HDGFL3: variants seen among roughly 807,000 people sequenced by gnomAD.
HDGFL3 encodes hepatoma-derived growth factor-related protein 3.
HDGFL3 carries 6 observed loss-of-function variants against 27.6 expected under a neutral mutation model. That is an observed-to-expected ratio of 0.22 (90% confidence interval 0.12 to 0.43). The LOEUF (loss-of-function observed/expected upper bound fraction) is 0.43, where lower values mean the gene tolerates loss of function less well. Among genes scored for constraint, HDGFL3 ranks in the 20% least tolerant of loss-of-function variants. The pLI is 1.00. For missense variants in HDGFL3, 207 were observed against 250.1 expected, an observed-to-expected ratio of 0.83 and a Z score of 1.16; for synonymous variants, 88 against 88.9, an observed-to-expected ratio of 0.99 and a Z score of 0.05.
At chr15:83,200,856 CTT>C (rs200038603) in intron 1 of HDGFL3, among the ~76,000 whole-genome samples, 3,647 of 120,112 alleles carry the variant, frequency 0.03, 115 homozygotes, top group East Asian at 0.14. Flanking sequence ...TTACTTTATT[CTT>C]TTTTTTTTTT....
downstream of HDGFL3, among the ~76,000 whole-genome samples, chr15:83,126,249 A>G (rs781564084): frequency 7.2e-4 from 110 of 152,172 alleles, 5 homozygotes; most frequent in Non-Finnish European, 2.9e-4. Flanking sequence ...GGGACCTAGT[A>G]AAGTGCCAAA....
intron 4 of HDGFL3, among the ~76,000 whole-genome samples, chr15:83,152,003 T>C (rs994847886): frequency 2.0e-5 from 3 of 152,200 alleles, no homozygotes; most frequent in Admixed American, 2.0e-4. Flanking sequence ...AAGATGAAAA[T>C]ACAATTAGTT....
rs1181236798 is a variant in HDGFL3 at position 83,130,033 on chromosome 15, A to G, written c.*9237T>C. ...GTGTCAATTGTGCTTTGCCTGCACA[A>G]TCAGGCCTCCTCTGCCTGCCATGTG... is the stretch of plus-strand genomic sequence containing the variant. On this transcript the variant is annotated 3_prime_UTR_variant, in exon 6 of 6. Transcript: ENST00000299633. 6.6e-6 allele frequency: 1 copy of G among 152,260 alleles called. No individual in the cohort carries two copies. Among genetic ancestry groups the G allele is most frequent in the African/African-American group, 2.4e-5 (1 of 41,442 alleles). 9.4% of individuals were successfully genotyped at this position (152,260 alleles called of 1,614,324 possible). A position where few individuals can be genotyped will look rare whatever the true frequency, so the allele number is the denominator to read the frequency against.
At chr15:83,143,075 G>T (rs1409577683) in intron 5 of HDGFL3, among the ~76,000 whole-genome samples, 1 of 152,032 alleles carries the variant, frequency 6.6e-6, no homozygotes, top group African/African-American at 2.4e-5. Context: ...GAGTACAGTG[G>T]CACAATCTCA....
chr15:83,205,147 C>T (rs1235600000), intron 1 of HDGFL3, among the ~76,000 whole-genome samples: 1 of 152,012 alleles, frequency 6.6e-6, no homozygotes, highest in African/African-American at 2.4e-5. Context: ...CATTTTATAA[C>T]ATTATCATCT....
intron 1 of HDGFL3, among the ~76,000 whole-genome samples, chr15:83,188,650 T>G (rs544341496): frequency 6.6e-6 from 1 of 152,226 alleles, no homozygotes; most frequent in Non-Finnish European, 1.5e-5. Context: ...CAGGATGCCA[T>G]AGTCTCGTAA....
chr15:83,207,293 G>C lies in HDGFL3; in HGVS notation c.84+38C>G. On this transcript the variant is annotated intron_variant, in intron 1 of 5. Coordinates refer to ENST00000299633, the MANE Select transcript of HDGFL3 (RefSeq NM_016073.4). This position sits in a 1 kb window ranked among gnomAD's most constrained non-coding sequence, Gnocchi z 4.8. ...GGCGCGCCATCATGAAGGGGAAAAT[G>C]GTGGGCGGGCGGGCCCGCGCGCGGC... 3 of 1,290,078 alleles carry C rather than the reference G, an allele frequency of 2.3e-6. No individual in the cohort carries two copies. Among genetic ancestry groups the C allele is most frequent in the Non-Finnish European group, 3.0e-6 (3 of 1,000,368 alleles). The allele number at this position is 1,290,078 out of a possible 1,614,324, so 79.9% of individuals were successfully genotyped here. A position where few individuals can be genotyped will look rare whatever the true frequency, so the allele number is the denominator to read the frequency against.
At chr15:83,122,085 T>A in intron 3 of HDGFL3, 1 of 1,097,018 alleles carries the variant, frequency 9.1e-7, no homozygotes, top group Non-Finnish European at 1.4e-6. Flanking sequence ...CTTTTAGTTA[T>A]AATAGAACCA....
intron 5 of HDGFL3, among the ~76,000 whole-genome samples, chr15:83,141,770 G>A (rs536988500): frequency 1.3e-5 from 2 of 152,270 alleles, no homozygotes; most frequent in Non-Finnish European, 2.9e-5. Context: ...AGACTTTTCT[G>A]ATGAGATAGG....
chr15:83,190,075 G>A (rs2037493036), intron 1 of HDGFL3, among the ~76,000 whole-genome samples: 1 of 151,866 alleles, frequency 6.6e-6, no homozygotes, highest in South Asian at 2.1e-4. Context: ...TGGGTGTGGT[G>A]GTGTGTGCCT....
chr15:83,198,998 A>T (rs896620291), intron 1 of HDGFL3, among the ~76,000 whole-genome samples: 1 of 152,190 alleles, frequency 6.6e-6, no homozygotes, highest in African/African-American at 2.4e-5. Flanking sequence ...TTTATTTCTC[A>T]CTGTAGGTTA....
intron 1 of HDGFL3, among the ~76,000 whole-genome samples, chr15:83,204,412 G>A (rs1336404674): frequency 2.6e-5 from 4 of 152,122 alleles, no homozygotes; most frequent in East Asian, 3.9e-4. Flanking sequence ...AAATTATGGC[G>A]ATGTGTGCAA....
chr15:83,166,553 T>C (rs1419021046), intron 1 of HDGFL3, among the ~76,000 whole-genome samples: 1 of 152,108 alleles, frequency 6.6e-6, no homozygotes, highest in African/African-American at 2.4e-5. Flanking sequence ...AACCACACAA[T>C]AGAAAGTACA....
At chr15:83,122,939 C>G, downstream of HDGFL3, 1 of 1,591,978 alleles carries the variant, frequency 6.3e-7, no homozygotes, top group Middle Eastern at 1.7e-4. Context: ...TTCGCATCCA[C>G]TGGCCACTGA....
At chr15:83,199,645 T>A (rs1300351585) in intron 1 of HDGFL3, among the ~76,000 whole-genome samples, 1 of 152,208 alleles carries the variant, frequency 6.6e-6, no homozygotes, top group East Asian at 1.9e-4. Flanking sequence ...TGAGTTTCAA[T>A]GATCAAATGA....
chr15:83,178,740 C>T (rs2037344748), intron 1 of HDGFL3, among the ~76,000 whole-genome samples: 3 of 152,282 alleles, frequency 2.0e-5, no homozygotes, highest in Non-Finnish European at 1.5e-5. Context: ...TTTTCTATGT[C>T]TATTTAAAAC....
chr15:83,153,082 C>T (rs1246711792), intron 4 of HDGFL3, among the ~76,000 whole-genome samples: 2 of 151,378 alleles, frequency 1.3e-5, no homozygotes, highest in African/African-American at 4.9e-5. Context: ...GCAAGCTCCG[C>T]CTCCTGGGTT....
At position 83,191,674 on chromosome 15, in the gene HDGFL3, T is replaced by TA. The variant is rs1249762286; in HGVS notation, c.84+15656_84+15657insT. 1.3e-4 allele frequency among the ~76,000 whole-genome samples: 20 copies of TA among 152,336 alleles called. No individual in the cohort carries two copies. The East Asian group carries it at 3.9e-3, about 29-fold the overall frequency. ...GTCTGTTATTAAGGTGAGGAAAACT[T>TA]TCTTTTATTATACTCTGGATATGTT... On this transcript the variant is annotated intron_variant, in intron 1 of 5. Transcript: ENST00000299633.
intron 4 of HDGFL3, among the ~76,000 whole-genome samples, chr15:83,157,071 T>C (rs895694536): frequency 1.3e-5 from 2 of 152,196 alleles, no homozygotes; most frequent in Non-Finnish European, 2.9e-5. Context: ...GACATAGTCT[T>C]GAATTATATT....
Sources: gnomAD v4.1 joint callset for allele counts (sites outside exome capture counted in the v4.1 genomes callset) on GRCh38, gnomAD v4.1.1 for gene constraint, Gnocchi (gnomAD v3.1) non-coding constraint, MANE v1.5 for transcripts, NCBI Gene and HGNC (gene_info 2026-07-23, HGNC 2026-07-21) for gene names.